GRIP1: variants seen among roughly 807,000 people sequenced by gnomAD.
GRIP1 encodes the protein glutamate receptor interacting protein 1.
In GRIP1, 45 loss-of-function variants were observed where a neutral mutation model predicts 129.9. That is an observed-to-expected ratio of 0.35 (90% CI 0.27 to 0.44). The LOEUF is 0.44. Ranked by LOEUF, GRIP1 falls within the 20% of genes least tolerant of loss-of-function variation. GRIP1 has a pLI of 1.00. For missense variants in GRIP1, 1,196 were observed against 1,396.8 expected (o/e 0.86, Z 2.29); for synonymous variants, 530 against 520.8 (o/e 1.02, Z -0.24).
At chr12:66,497,105 A>G (rs879508215) in intron 7 of GRIP1, among the ~76,000 whole-genome samples, 11 of 152,138 alleles carry the variant, frequency 7.2e-5, no homozygotes, top group Admixed American at 7.2e-4. Context: ...TTGGTGTGTC[A>G]GGTACACACT....
At chr12:66,609,658 T>C (rs1455148352) in intron 1 of GRIP1, among the ~76,000 whole-genome samples, 1 of 152,188 alleles carries the variant, frequency 6.6e-6, no homozygotes, top group Non-Finnish European at 1.5e-5. Flanking sequence ...CTTCCATAAA[T>C]CTTGCCTGAA....
chr12:66,902,535 T>G (rs2040860162), intron 1 of GRIP1, among the ~76,000 whole-genome samples: 1 of 152,160 alleles, frequency 6.6e-6, no homozygotes, highest in African/African-American at 2.4e-5. Flanking sequence ...ACTCAGTCCT[T>G]TGCTCCAGGA....
chr12:66,395,427 T>A (rs1437334423), intron 16 of GRIP1, among the ~76,000 whole-genome samples: 1 of 152,226 alleles, frequency 6.6e-6, no homozygotes, highest in Non-Finnish European at 1.5e-5. Flanking sequence ...CATGGCCACA[T>A]TTTTGCAGTG....
intron 1 of GRIP1, among the ~76,000 whole-genome samples, chr12:66,893,711 C>T (rs2040699409): frequency 6.6e-6 from 1 of 152,162 alleles, no homozygotes; most frequent in Non-Finnish European, 1.5e-5. Context: ...TCTTATTTCT[C>T]TAGGATAAAT....
chr12:66,961,733 G>A (rs1336747623), intron 1 of GRIP1, among the ~76,000 whole-genome samples: 1 of 151,994 alleles, frequency 6.6e-6, no homozygotes, highest in East Asian at 1.9e-4. Flanking sequence ...TTTAGTGTCT[G>A]TGTCCCCACT....
intron 1 of GRIP1, among the ~76,000 whole-genome samples, chr12:66,973,777 A>C (rs2042110128): frequency 6.6e-6 from 1 of 152,182 alleles, no homozygotes; most frequent in South Asian, 2.1e-4. Context: ...TGCATCAGCT[A>C]TGTGATGGTT....
At position 66,962,196 on chromosome 12, in the gene GRIP1, G is replaced by A. The variant is rs1297894958; in HGVS notation, c.58+106854C>T. 2.6e-4 allele frequency among the ~76,000 whole-genome samples: 40 copies of A among 152,302 alleles called. 1 individual carries two copies. The highest frequency in any genetic ancestry group is 1.5e-5 in the Non-Finnish European group (1 of 68,028). Reference sequence around the variant, plus strand: ...AGCTAACAGTTTTAAAGTTTAGAAAGAAACCAGCCTATTTCCTTTAATAAT... The same window carrying A: ...AGCTAACAGTTTTAAAGTTTAGAAAAAAACCAGCCTATTTCCTTTAATAAT... On this transcript the variant is annotated intron_variant, in intron 1 of 1. Coordinates refer to the GRIP1 transcript ENST00000643019.
intron 13 of GRIP1, among the ~76,000 whole-genome samples, chr12:66,434,370 G>T (rs1490365438): frequency 1.3e-5 from 2 of 152,168 alleles, no homozygotes; most frequent in Non-Finnish European, 2.9e-5. Context: ...GAGTGTCACG[G>T]ACTGAGTTAA....
In GRIP1 at chr12:67,062,884, T is replaced by C. The variant is rs191060896; in HGVS notation, c.58+6166A>G. Among the ~76,000 whole-genome samples, 3 of 152,334 alleles carry C rather than the reference T, an allele frequency of 2.0e-5. No individual in the cohort carries two copies. In the East Asian group the frequency reaches 5.8e-4, roughly 29 times the overall value. The stretch of plus-strand genomic sequence containing the variant: ...TAGTTTTTCACAAAACATTAGACTT[T>C]TTAAAAATGTTTTATGAGGTTCTTA... On this transcript the variant is annotated intron_variant, in intron 1 of 1. Transcript: ENST00000643019.
At chr12:66,611,803 GTT>G (rs1184167439) in intron 1 of GRIP1, among the ~76,000 whole-genome samples, 2 of 158 alleles carry the variant, frequency 0.013, no homozygotes, top group African/African-American at 0.053. Context: ...TTCTTCTACG[GTT>G]TATACAACAG....
Position 66,661,473 on chromosome 12 carries a change from A to T in GRIP1, c.55+17377T>A, listed in dbSNP as rs1036061650. 4.0e-5 allele frequency among the ~76,000 whole-genome samples: 3 copies of T among 74,384 alleles called. 1 individual carries two copies. Among genetic ancestry groups the T allele is most frequent in the African/African-American group, 6.3e-5 (1 of 15,986 alleles). The allele number at this position is 74,384 out of a possible 152,430, so 48.8% of individuals were successfully genotyped here. ...TTAGATTTTGGCAAAAAAAAAAAAA[A>T]GGTGGAGGGGAGATGGGAAAAAAAA... is the stretch of plus-strand genomic sequence containing the variant. On this transcript the variant is annotated intron_variant, in intron 1 of 24. Transcript: ENST00000359742.
intron 1 of GRIP1, among the ~76,000 whole-genome samples, chr12:66,911,345 C>A (rs2041025930): frequency 6.6e-6 from 1 of 152,214 alleles, no homozygotes; most frequent in African/African-American, 2.4e-5. Context: ...CTGAAGGCTT[C>A]AACCCATTGG....
chr12:66,652,218 G>A (rs891780151), intron 1 of GRIP1, among the ~76,000 whole-genome samples: 2 of 152,036 alleles, frequency 1.3e-5, no homozygotes, highest in Non-Finnish European at 2.9e-5. Flanking sequence ...CCCACATGTC[G>A]AGGGAGGGAC....
At chr12:66,981,417 A>G (rs2042241358) in intron 1 of GRIP1, among the ~76,000 whole-genome samples, 1 of 152,228 alleles carries the variant, frequency 6.6e-6, no homozygotes, top group South Asian at 2.1e-4. Context: ...CAAGTGCTCA[A>G]AATATATTTT....
intron 1 of GRIP1, chr12:67,068,962 G>C (rs1325901482): frequency 7.2e-6 from 4 of 554,270 alleles, no homozygotes; most frequent in Non-Finnish European, 9.2e-6. Flanking sequence ...CGGGTGGACG[G>C]GTCGGGAGGG....
chr12:67,055,185 G>C (rs1271290735), intron 1 of GRIP1, among the ~76,000 whole-genome samples: 2 of 152,204 alleles, frequency 1.3e-5, no homozygotes, highest in African/African-American at 4.8e-5. Flanking sequence ...AGAGATGCCT[G>C]TTTTTAAAGT....
chr12:67,033,068 T>C (rs2043045777), intron 1 of GRIP1, among the ~76,000 whole-genome samples: 1 of 152,076 alleles, frequency 6.6e-6, no homozygotes, highest in South Asian at 2.1e-4. Flanking sequence ...CTAGTAGCAA[T>C]GGGTATGGGT....
chr12:66,681,547 G>C (rs1430304090), upstream of GRIP1, among the ~76,000 whole-genome samples: 1 of 152,158 alleles, frequency 6.6e-6, no homozygotes, highest in Non-Finnish European at 1.5e-5. Context: ...TTGGCTACCA[G>C]ATCAATGTAA....
At chr12:66,734,103 C>G (rs1351458316) in intron 1 of GRIP1, among the ~76,000 whole-genome samples, 1 of 152,106 alleles carries the variant, frequency 6.6e-6, no homozygotes, top group Non-Finnish European at 1.5e-5. Flanking sequence ...GATCGGAATG[C>G]TACGTATGTT....
Sources: gnomAD v4.1 joint callset for allele counts (sites outside exome capture counted in the v4.1 genomes callset) on GRCh38, gnomAD v4.1.1 for gene constraint, MANE v1.5 for transcripts, NCBI Gene and HGNC (gene_info 2026-07-23, HGNC 2026-07-21) for gene names.